Variants in STAP1 observed in about 807,000 individuals in gnomAD.
STAP1 encodes signal-transducing adaptor protein 1.
In STAP1, 30 loss-of-function variants were observed where a neutral mutation model predicts 37.8. The observed-to-expected ratio is 0.79, with a 90% CI of 0.59 to 1.08. The LOEUF (loss-of-function observed/expected upper bound fraction) is 1.08. STAP1 is among the 50% of genes least tolerant of loss of function. The pLI is 0.00. For missense variants in STAP1, 357 were observed against 349.4 expected, an observed-to-expected ratio of 1.02 and a Z score of -0.17; for synonymous variants, 130 against 116.0, an observed-to-expected ratio of 1.12 and a Z score of -0.78.
At chr4:67,562,804 G>C (rs1036191348) in intron 1 of STAP1, among the ~76,000 whole-genome samples, 1 of 151,186 alleles carries the variant, frequency 6.6e-6, no homozygotes, top group Non-Finnish European at 1.5e-5. Context: ...TAATTCATTT[G>C]GAAATTATAA....
At chr4:67,563,035 A>C (rs1431271887) in intron 1 of STAP1, among the ~76,000 whole-genome samples, 2 of 152,174 alleles carry the variant, frequency 1.3e-5, no homozygotes, top group Non-Finnish European at 2.9e-5. Flanking sequence ...AAAGAATGAG[A>C]GCTTTTTATT....
chr4:67,601,432 A>T (rs2109878948), intron 8 of STAP1, among the ~76,000 whole-genome samples: 1 of 152,288 alleles, frequency 6.6e-6, no homozygotes, highest in Non-Finnish European at 1.5e-5. Flanking sequence ...TTTGTCTATT[A>T]CCACCAGTGA....
chr4:67,565,143 T>C (rs750240506), intron 1 of STAP1, among the ~76,000 whole-genome samples: 2 of 152,172 alleles, frequency 1.3e-5, no homozygotes, highest in African/African-American at 2.4e-5. Flanking sequence ...ACTTGCAAGA[T>C]AAATTTTAAT....
intron 8 of STAP1, among the ~76,000 whole-genome samples, chr4:67,597,299 T>C: frequency 6.6e-6 from 1 of 152,182 alleles, no homozygotes; most frequent in East Asian, 1.9e-4. Context: ...GAATTGAGGT[T>C]TGAGAACCTC....
intron 6 of STAP1, among the ~76,000 whole-genome samples, chr4:67,590,092 A>T (rs1467832542): frequency 6.6e-6 from 1 of 152,182 alleles, no homozygotes; most frequent in Non-Finnish European, 1.5e-5. Flanking sequence ...GGCCTGAGCC[A>T]TCCCACTCAT....
chr4:67,596,812 G>T (rs1452010489), intron 8 of STAP1, among the ~76,000 whole-genome samples: 1 of 152,178 alleles, frequency 6.6e-6, no homozygotes, highest in East Asian at 1.9e-4. Context: ...TTTTCTAAAA[G>T]TATACAGTCA....
At chr4:67,568,847 T>A (rs1205128106) in intron 1 of STAP1, among the ~76,000 whole-genome samples, 6 of 152,268 alleles carry the variant, frequency 3.9e-5, no homozygotes. Context: ...ATGCTTTTCC[T>A]ATGCTGGGCC....
chr4:67,602,237 G>A (rs185647129), intron 8 of STAP1, among the ~76,000 whole-genome samples: 64 of 152,034 alleles, frequency 4.2e-4, no homozygotes, highest in African/African-American at 1.5e-3. Flanking sequence ...ATGGGATTCT[G>A]AATTCCTTCT....
chr4:67,558,872 T>C lies in STAP1; in HGVS notation c.63T>C (p.Ile21=). The change falls in exon 1 of 9, where the codon ATT becomes ATC. Residue 21 remains isoleucine (I), a synonymous_variant. Coordinates refer to ENST00000265404, the MANE Select transcript of STAP1 (RefSeq NM_012108.4). Reference sequence around the variant, plus strand: ...GGATCTTCCAGGAAAGGTTAAAGATTACTGCTCTACCTTTGTACTTTGAAG... The same window carrying C: ...GGATCTTCCAGGAAAGGTTAAAGATCACTGCTCTACCTTTGTACTTTGAAG... ...PRRIFQERLK[I]TALPLYFEGF... The C allele has an allele frequency of 6.2e-7, 1 of 1,613,902 alleles. No homozygotes were observed. Among genetic ancestry groups the C allele is most frequent in the Non-Finnish European group, 8.5e-7 (1 of 1,179,838 alleles).
intron 1 of STAP1, among the ~76,000 whole-genome samples, chr4:67,570,388 C>T (rs1236489840): frequency 6.6e-6 from 1 of 152,182 alleles, no homozygotes; most frequent in Non-Finnish European, 1.5e-5. Context: ...ACGAATTTTT[C>T]AGCGCCATTG....
At chr4:67,567,201 C>A (rs900080413) in intron 1 of STAP1, among the ~76,000 whole-genome samples, 3 of 152,154 alleles carry the variant, frequency 2.0e-5, no homozygotes, top group Non-Finnish European at 4.4e-5. Flanking sequence ...GGATTTCAGA[C>A]AAGAAAGAGA....
chr4:67,598,564 C>T (rs1168248343), intron 8 of STAP1, among the ~76,000 whole-genome samples: 3 of 152,064 alleles, frequency 2.0e-5, no homozygotes, highest in Non-Finnish European at 4.4e-5. Flanking sequence ...GCCTGTTTGC[C>T]ATTTGTATGT....
intron 1 of STAP1, among the ~76,000 whole-genome samples, chr4:67,559,395 G>A (rs1727283958): frequency 6.6e-6 from 1 of 151,976 alleles, no homozygotes; most frequent in African/African-American, 2.4e-5. Context: ...AATGGCTTTT[G>A]TAAAAATTGT....
At chr4:67,588,435 G>A (rs961240777) in intron 6 of STAP1, among the ~76,000 whole-genome samples, 1 of 151,558 alleles carries the variant, frequency 6.6e-6, no homozygotes, top group African/African-American at 2.4e-5. Context: ...TTTGAGACGG[G>A]GCCTCGCTCT....
Position 67,606,404 on chromosome 4 carries a change from C to G in STAP1, c.*47C>G. On this transcript the variant is annotated 3_prime_UTR_variant, in exon 9 of 9. Transcript: ENST00000265404. ...TGTATATCTTGGTAATTTATATTTT[C>G]AAAACGAAGTTCTTACTTTTAAAGA... 1 of 1,530,296 alleles carries G rather than the reference C, an allele frequency of 6.5e-7. No homozygotes were observed. The highest frequency in any genetic ancestry group is 8.9e-7 in the Non-Finnish European group (1 of 1,125,278). The allele number at this position is 1,530,296 out of a possible 1,614,324, so 94.8% of individuals were successfully genotyped here. A position where few individuals can be genotyped will look rare whatever the true frequency, so the allele number is the denominator to read the frequency against.
At chr4:67,581,101 T>C (rs1472669831) in intron 4 of STAP1, among the ~76,000 whole-genome samples, 2 of 152,210 alleles carry the variant, frequency 1.3e-5, no homozygotes, top group Non-Finnish European at 2.9e-5. Context: ...GGGTAGGCAC[T>C]CTGTGCAGGT....
Position 67,581,462 on chromosome 4 carries a change from C to T in STAP1, c.521C>T (p.Pro174Leu). The T allele has an allele frequency of 7.5e-6, 12 of 1,606,036 alleles. No individual in the cohort carries two copies. Among genetic ancestry groups the T allele is most frequent in the Middle Eastern group, 1.7e-4 (1 of 6,036 alleles). ...GAAGATTATGTGGATGTACTGAACC[C>T]TATGCCAGCGTAAGTGCACAATGAA... ...PTEDYVDVLN[P>L]MPACFYTVSR... is the part of the protein sequence containing the mutation. The change falls in exon 5 of 9, where the codon CCT becomes CTT. Residue 174 changes from proline (P) to leucine (L), a missense_variant. Transcript: ENST00000265404.
intron 8 of STAP1, among the ~76,000 whole-genome samples, chr4:67,602,874 C>A (rs1728373801): frequency 6.6e-6 from 1 of 152,042 alleles, no homozygotes; most frequent in Non-Finnish European, 1.5e-5. Context: ...CCCATGGTGA[C>A]CATTGTCTGG....
intron 8 of STAP1, among the ~76,000 whole-genome samples, chr4:67,599,957 C>A (rs1232073942): frequency 6.6e-6 from 1 of 151,944 alleles, no homozygotes; most frequent in Non-Finnish European, 1.5e-5. Flanking sequence ...TTTCAAAAAA[C>A]TTTTTGTTTC....
Sources: gnomAD v4.1 joint callset for allele counts (sites outside exome capture counted in the v4.1 genomes callset) on GRCh38, gnomAD v4.1.1 for gene constraint, MANE v1.5 for transcripts, NCBI Gene and HGNC (gene_info 2026-07-23, HGNC 2026-07-21) for gene names.